The following AGBL4 variants were observed in gnomAD, a reference collection of about 807,000 sequenced individuals.
AGBL4 encodes the protein cytosolic carboxypeptidase 6.
In AGBL4, 58 loss-of-function variants were observed where a neutral mutation model predicts 66.4. The observed-to-expected ratio is 0.87, with a 90% CI of 0.71 to 1.09. The LOEUF is 1.09. AGBL4 is among the 50% of genes least tolerant of loss of function. AGBL4 has a pLI of 0.00. For missense variants in AGBL4, 579 were observed against 631.0 expected, an observed-to-expected ratio of 0.92 and a Z score of 0.88; for synonymous variants, 234 against 222.9, an observed-to-expected ratio of 1.05 and a Z score of -0.44.
At chr1:48,534,654 TC>T (rs1643940148) in intron 13 of AGBL4, among the ~76,000 whole-genome samples, 1 of 152,212 alleles carries the variant, frequency 6.6e-6, no homozygotes, top group African/African-American at 2.4e-5. Context: ...CACCCATTTT[TC>T]TTTACTGTTG....
At chr1:49,516,984 C>T (rs1344238133) in intron 3 of AGBL4, among the ~76,000 whole-genome samples, 4 of 151,948 alleles carry the variant, frequency 2.6e-5, no homozygotes, top group African/African-American at 9.7e-5. Context: ...ATAGGCCATA[C>T]TTCAACAGAT....
intron 4 of AGBL4, among the ~76,000 whole-genome samples, chr1:49,207,446 C>G (rs917899116): frequency 1.4e-4 from 11 of 77,638 alleles, no homozygotes; most frequent in African/African-American, 5.5e-4. Context: ...CTTTCTTTTT[C>G]TTTCTTTCTT....
Position 49,401,333 on chromosome 1 carries a change from T to G in AGBL4, c.283-155469A>C, listed in dbSNP as rs184051186. 3.3e-5 allele frequency among the ~76,000 whole-genome samples: 5 copies of G among 152,284 alleles called. No individual in the cohort carries two copies. In the East Asian group the frequency reaches 9.7e-4, roughly 29 times the overall value. On this transcript the variant is annotated intron_variant, in intron 3 of 13. Transcript: ENST00000371839. ...CCTCTGTGATTCAATTGTCTCCACC[T>G]GGTCTCATCCTTAACACATGGGGAT...
chr1:48,922,190 G>A (rs1654138363), intron 5 of AGBL4, among the ~76,000 whole-genome samples: 1 of 152,142 alleles, frequency 6.6e-6, no homozygotes, highest in African/African-American at 2.4e-5. Context: ...TAGCACCCCA[G>A]TGTGTTTCTT....
At chr1:48,820,663 A>C (rs772621680) in intron 6 of AGBL4, among the ~76,000 whole-genome samples, 2 of 152,142 alleles carry the variant, frequency 1.3e-5, no homozygotes, top group Non-Finnish European at 2.9e-5. Context: ...AGCTGTTCCT[A>C]GGTCTTGAGC....
At chr1:48,799,576 T>A (rs1481439536) in intron 6 of AGBL4, among the ~76,000 whole-genome samples, 1 of 152,172 alleles carries the variant, frequency 6.6e-6, no homozygotes, top group African/African-American at 2.4e-5. Context: ...TTGTTCTAGT[T>A]CTCAGGGGGA....
At chr1:49,962,800 T>C (rs1252123501) in intron 1 of AGBL4, among the ~76,000 whole-genome samples, 1 of 152,178 alleles carries the variant, frequency 6.6e-6, no homozygotes, top group Non-Finnish European at 1.5e-5. Context: ...AATCATTGAA[T>C]TTTAGAGCTA....
intron 3 of AGBL4, among the ~76,000 whole-genome samples, chr1:49,546,687 G>T (rs138324639): frequency 0.028 from 4,184 of 151,946 alleles, 161 homozygotes; most frequent in African/African-American, 0.095. Flanking sequence ...TGATTTTTTT[G>T]ATTATGGCCA....
At chr1:49,590,670 C>T (rs1644735436) in intron 3 of AGBL4, among the ~76,000 whole-genome samples, 1 of 151,804 alleles carries the variant, frequency 6.6e-6, no homozygotes, top group Non-Finnish European at 1.5e-5. Context: ...AGGACAAAAC[C>T]ATCAATCTAA....
chr1:49,889,628 A>C (rs540205103), intron 1 of AGBL4, among the ~76,000 whole-genome samples: 38 of 152,128 alleles, frequency 2.5e-4, no homozygotes, highest in African/African-American at 9.1e-4. Flanking sequence ...GTGGTGGCAC[A>C]TGCCTGTAGT....
At chr1:49,256,163 A>G (rs1652480939) in intron 3 of AGBL4, among the ~76,000 whole-genome samples, 1 of 151,676 alleles carries the variant, frequency 6.6e-6, no homozygotes, top group East Asian at 1.9e-4. Context: ...AAAAGTTAAA[A>G]AACACAAAAA....
chr1:49,839,569 G>T (rs1028415915), intron 2 of AGBL4, among the ~76,000 whole-genome samples: 1 of 152,148 alleles, frequency 6.6e-6, no homozygotes, highest in East Asian at 1.9e-4. Flanking sequence ...ACAATGGGGA[G>T]CCATGACAGA....
chr1:49,292,436 GA>G (rs1460598279), intron 3 of AGBL4, among the ~76,000 whole-genome samples: 1 of 152,172 alleles, frequency 6.6e-6, no homozygotes, highest in African/African-American at 2.4e-5. Flanking sequence ...ACTAGAGGGG[GA>G]ACTTACGGTC....
At chr1:49,949,654 G>A (rs956234190) in intron 1 of AGBL4, among the ~76,000 whole-genome samples, 18 of 151,306 alleles carry the variant, frequency 1.2e-4, no homozygotes, top group Non-Finnish European at 1.9e-4. Context: ...CTTACAACGC[G>A]ATACCACCTT....
At chr1:49,894,526 G>A (rs1365954185) in intron 1 of AGBL4, among the ~76,000 whole-genome samples, 1 of 152,026 alleles carries the variant, frequency 6.6e-6, no homozygotes, top group Non-Finnish European at 1.5e-5. Context: ...TAAAGAGAAG[G>A]AATTCAGAAT....
At chr1:48,903,466 A>G (rs1312819864) in intron 5 of AGBL4, among the ~76,000 whole-genome samples, 6 of 152,240 alleles carry the variant, frequency 3.9e-5, no homozygotes, top group Non-Finnish European at 8.8e-5. Context: ...GGATCTGCCT[A>G]TCCACTGAGA....
intron 1 of AGBL4, among the ~76,000 whole-genome samples, chr1:50,008,192 T>C (rs1661278404): frequency 6.6e-6 from 1 of 152,160 alleles, no homozygotes; most frequent in South Asian, 2.1e-4. Flanking sequence ...TACAGAACAT[T>C]TCAACCAATG....
chr1:49,755,287 A>G (rs1651807917), intron 2 of AGBL4, among the ~76,000 whole-genome samples: 1 of 152,178 alleles, frequency 6.6e-6, no homozygotes, highest in South Asian at 2.1e-4. Flanking sequence ...ATGATCTGGT[A>G]AGAATTAGAA....
At chr1:49,453,762 A>C (rs979786740) in intron 3 of AGBL4, among the ~76,000 whole-genome samples, 16 of 151,828 alleles carry the variant, frequency 1.1e-4, no homozygotes, top group South Asian at 2.1e-4. Flanking sequence ...GGAGGTAATG[A>C]ATATTAAACT....
Sources: allele counts gnomAD v4.1 joint callset (sites outside exome capture counted in the v4.1 genomes callset), GRCh38; gene constraint gnomAD v4.1.1; transcripts MANE v1.5; gene names NCBI Gene and HGNC (gene_info 2026-07-23, HGNC 2026-07-21).